Variants in ZNF496 observed in about 807,000 individuals in gnomAD.
ZNF496 encodes zinc finger protein 496.
A neutral mutation model predicts 58.9 loss-of-function variants in ZNF496; 11 were observed. That is an observed-to-expected ratio of 0.19 (90% confidence interval 0.12 to 0.31). ZNF496 has a LOEUF of 0.31. ZNF496 is among the 10% of genes least tolerant of loss of function. The pLI, the probability that ZNF496 is intolerant of heterozygous loss-of-function variation, is 1.00. For missense variants in ZNF496, 660 were observed against 783.0 expected (o/e 0.84, Z 1.88); for synonymous variants, 338 against 318.2 (o/e 1.06, Z -0.66).
At position 247,328,869 on chromosome 1, in the gene ZNF496, G is replaced by A; in HGVS notation, c.391-3C>T. The A allele has an allele frequency of 6.3e-7, 1 of 1,581,744 alleles. No individual in the cohort carries two copies. Among genetic ancestry groups the A allele is most frequent in the Non-Finnish European group, 8.6e-7 (1 of 1,164,016 alleles). ...ACAGGGTCTTCACAGTGCTTGAGCTGCAATCCCAGAGACAGCTTTTCAGGG... is the reference window on the plus strand; with the variant it reads ...ACAGGGTCTTCACAGTGCTTGAGCTACAATCCCAGAGACAGCTTTTCAGGG... On this transcript the variant is annotated splice_region_variant and splice_polypyrimidine_tract_variant and intron_variant, in intron 4 of 9. Transcript: ENST00000682384.
chr1:247,326,091 C>T (rs903215520), intron 5 of ZNF496, among the ~76,000 whole-genome samples: 2 of 146,768 alleles, frequency 1.4e-5, no homozygotes, highest in African/African-American at 2.6e-5. Context: ...CACATATATA[C>T]ACACACATAT....
chr1:247,320,206 T>A, intron 6 of ZNF496, among the ~76,000 whole-genome samples: 1 of 152,156 alleles, frequency 6.6e-6, no homozygotes, highest in East Asian at 1.9e-4. Context: ...CTTTATACAA[T>A]AATGACCCCA....
At position 247,309,732 on chromosome 1, in the gene ZNF496, G is replaced by C. The variant is rs761468122; in HGVS notation, c.859C>G (p.Gln287Glu). The C allele has an allele frequency of 1.4e-5, 23 of 1,614,062 alleles. No individual in the cohort carries two copies. In the Admixed American group the frequency reaches 3.8e-4, roughly 27 times the overall value. ...GAGACCTGGGGCACTTCTTTGCCCT[G>C]GAGATCCTGCAACTCTGGAACGCGT... ...EPRVPELQDL[Q>E]GKEVPQVSYL... The change falls in exon 8 of 10, where the codon CAG (glutamine) becomes GAG (glutamate). Residue 287 changes from glutamine (Q) to glutamate (E), a missense_variant. Gln to Glu is a conservative substitution (Grantham distance 29). Coordinates refer to ENST00000682384, the MANE Select transcript of ZNF496 (RefSeq NM_032752.3). The surrounding 1 kb of genome is among the most constrained non-coding windows in gnomAD (Gnocchi z 4.3).
chr1:247,308,688 G>A lies in ZNF496; in HGVS notation c.893-100C>T, dbSNP rs758517045. 17 of 1,163,146 alleles carry A rather than the reference G, an allele frequency of 1.5e-5. No individual in the cohort carries two copies. Among genetic ancestry groups the A allele is most frequent in the Non-Finnish European group, 2.0e-5 (16 of 797,862 alleles). 72.1% of individuals were successfully genotyped at this position (1,163,146 alleles called of 1,614,324 possible). A position where few individuals can be genotyped will look rare whatever the true frequency, so the allele number is the denominator to read the frequency against. ...AGATGCCAGGCTACGATCTGGGGGC[G>A]GCCCTGGGCTCCGTCCTGGGGACTG... On this transcript the variant is annotated intron_variant, in intron 8 of 9. Transcript: ENST00000682384. This position sits in a 1 kb window ranked among gnomAD's most constrained non-coding sequence, Gnocchi z 4.5.
chr1:247,309,670 G>T lies in ZNF496; in HGVS notation c.892+29C>A, dbSNP rs375724836. The T allele has an allele frequency of 6.2e-7, 1 of 1,613,686 alleles. No individual in the cohort carries two copies. Among genetic ancestry groups the T allele is most frequent in the Admixed American group, 1.7e-5 (1 of 59,960 alleles). On this transcript the variant is annotated intron_variant, in intron 8 of 9. Coordinates refer to ENST00000682384, the MANE Select transcript of ZNF496 (RefSeq NM_032752.3). This position sits in a 1 kb window ranked among gnomAD's most constrained non-coding sequence, Gnocchi z 4.3. ...TGCCAGCAACCCTTCCCCCTACTCTGTCCACTCAGTTCTGGAATCATTACT... is the reference window on the plus strand; with the variant it reads ...TGCCAGCAACCCTTCCCCCTACTCTTTCCACTCAGTTCTGGAATCATTACT...
chr1:247,299,739 A>T lies in ZNF496; in HGVS notation c.*780T>A, dbSNP rs1174356412. 8 of 152,234 alleles carry T rather than the reference A, an allele frequency of 5.3e-5. No homozygotes were observed. Among genetic ancestry groups the T allele is most frequent in the Non-Finnish European group, 1.0e-4 (7 of 68,052 alleles). The allele number at this position is 152,234 out of a possible 1,614,324, so 9.4% of individuals were successfully genotyped here. A position where few individuals can be genotyped will look rare whatever the true frequency, so the allele number is the denominator to read the frequency against. On this transcript the variant is annotated 3_prime_UTR_variant, in exon 10 of 10. Coordinates refer to ENST00000682384, the MANE Select transcript of ZNF496 (RefSeq NM_032752.3). ...CCAAGGATCTTTGGGGTATAAAGAC[A>T]TTATGGGGTAGGTGTGCAACACAAA...
intron 5 of ZNF496, among the ~76,000 whole-genome samples, chr1:247,326,211 G>C (rs1484684546): frequency 6.6e-6 from 1 of 151,076 alleles, no homozygotes; most frequent in Non-Finnish European, 1.5e-5. Context: ...TGAATACATG[G>C]ACCCTTTCAA....
intron 9 of ZNF496, among the ~76,000 whole-genome samples, chr1:247,305,500 G>A (rs1336051081): frequency 6.6e-6 from 1 of 152,204 alleles, no homozygotes; most frequent in Non-Finnish European, 1.5e-5. Context: ...TGCTGCAAGT[G>A]CTTGTTGCAG....
rs142671064 is a variant in ZNF496 at position 247,309,805 on chromosome 1, G to A, written c.786C>T (p.Asn262=). Residue 262 remains asparagine (N), a splice_region_variant and synonymous_variant, in exon 8 of 10, where the codon AAC becomes AAT. Transcript: ENST00000682384. The surrounding 1 kb of genome is among the most constrained non-coding windows in gnomAD (Gnocchi z 4.3). ...AGAGATCTGGCTGGGCAGCTAGGTC[G>A]TCTGTTCAAAGAAAAAGGCAGGGTA... The part of the protein sequence containing the change: ...GEDYGVSMPP[N]DLAAQPDLSQ... 2.8e-5 allele frequency: 45 copies of A among 1,614,074 alleles called. No homozygotes were observed. The highest frequency in any genetic ancestry group is 1.4e-4 in the South Asian group (13 of 91,074).
chr1:247,300,838 C>T lies in ZNF496; in HGVS notation c.1445G>A (p.Arg482Gln), dbSNP rs752303802. 15 of 1,609,934 alleles carry T rather than the reference C, an allele frequency of 9.3e-6. No homozygotes were observed. The highest frequency in any genetic ancestry group is 5.3e-5 in the African/African-American group (4 of 74,902). Residue 482 changes from arginine to glutamine, a missense_variant, in exon 10 of 10, where the codon CGG (arginine) becomes CAG (glutamine). Arg to Gln is a conservative substitution (Grantham distance 43). Transcript: ENST00000682384. The surrounding 1 kb of genome is among the most constrained non-coding windows in gnomAD (Gnocchi z 5.7). ...FRLNSHLLSH[R>Q]RIHLQPDRLQ... ...TCTGTCCGGCTGCAGGTGTATCCGCCGGTGGGAGAGCAGGTGGGAGTTCAG... is the reference window on the plus strand; with the variant it reads ...TCTGTCCGGCTGCAGGTGTATCCGCTGGTGGGAGAGCAGGTGGGAGTTCAG...
intron 6 of ZNF496, among the ~76,000 whole-genome samples, 158 bp downstream of exon 6, chr1:247,322,996 G>A (rs781700801): frequency 4.6e-5 from 7 of 152,168 alleles, no homozygotes; most frequent in Non-Finnish European, 7.3e-5. Context: ...GAAATGGGGC[G>A]TCTCTTAAGC....
At chr1:247,323,365 CTGT>C in intron 5 of ZNF496, 135 bp from the exon 6 acceptor site, 1 of 616,578 alleles carries the variant, frequency 1.6e-6, no homozygotes, top group Non-Finnish European at 2.9e-6. Flanking sequence ...CAACAGGGAA[CTGT>C]TTCATGGTGC....
intron 6 of ZNF496, among the ~76,000 whole-genome samples, chr1:247,322,160 G>A (rs1659981857): frequency 6.6e-6 from 1 of 152,174 alleles, no homozygotes; most frequent in Non-Finnish European, 1.5e-5. Flanking sequence ...GCATGCACCT[G>A]TAGTCCCAGC....
rs1558434541 is a variant in ZNF496 at position 247,300,516 on chromosome 1, G to A, written c.*3C>T. On this transcript the variant is annotated 3_prime_UTR_variant, in exon 10 of 10. Transcript: ENST00000682384. The surrounding 1 kb of genome is among the most constrained non-coding windows in gnomAD (Gnocchi z 5.7). ...AGGGTGAGGCCGCCCCAGGCGGAGA[G>A]GCTCAGTAGGAGTTCAGAGCCTGCT... 7.5e-6 allele frequency: 12 copies of A among 1,598,408 alleles called. No homozygotes were observed. Among genetic ancestry groups the A allele is most frequent in the Non-Finnish European group, 1.0e-5 (12 of 1,169,386 alleles).
At chr1:247,316,306 T>G (rs1242563878) in intron 6 of ZNF496, among the ~76,000 whole-genome samples, 1 of 150,264 alleles carries the variant, frequency 6.7e-6, no homozygotes, top group Non-Finnish European at 1.5e-5. Context: ...GGATGCTTTT[T>G]CCTTTGAGCC....
chr1:247,300,321 C>T lies in ZNF496; in HGVS notation c.*198G>A. 1 of 535,642 alleles carries T rather than the reference C, an allele frequency of 1.9e-6. No individual in the cohort carries two copies. 33.2% of individuals were successfully genotyped at this position (535,642 alleles called of 1,614,324 possible). ...TTTGGCACAGCAGAAACAGAACACTCACTTGGCCACTCTTTCATTACCTGG... is the reference window on the plus strand; with the variant it reads ...TTTGGCACAGCAGAAACAGAACACTTACTTGGCCACTCTTTCATTACCTGG... On this transcript the variant is annotated 3_prime_UTR_variant, in exon 10 of 10. Coordinates refer to ENST00000682384, the MANE Select transcript of ZNF496 (RefSeq NM_032752.3). The surrounding 1 kb of genome is among the most constrained non-coding windows in gnomAD (Gnocchi z 5.7).
At position 247,300,856 on chromosome 1, in the gene ZNF496, G is replaced by C; in HGVS notation, c.1427C>G (p.Ser476Cys). ...TATCCGCCGGTGGGAGAGCAGGTGG[G>C]AGTTCAGGCGGAAGCTCTTCCCGCA... The part of the protein sequence containing the change: ...GACGKSFRLN[S>C]HLLSHRRIHL... The change falls in exon 10 of 10, where the codon TCC becomes TGC. Residue 476 changes from serine (S) to cysteine (C), a missense_variant. Physicochemically the swap from Ser to Cys is moderately radical, Grantham distance 112. Transcript: ENST00000682384. The surrounding 1 kb of genome is among the most constrained non-coding windows in gnomAD (Gnocchi z 5.7). The C allele has an allele frequency of 6.2e-7, 1 of 1,610,954 alleles. No individual in the cohort carries two copies. The highest frequency in any genetic ancestry group is 8.5e-7 in the Non-Finnish European group (1 of 1,178,160).
At position 247,329,699 on chromosome 1, in the gene ZNF496, T is replaced by C; in HGVS notation, c.-37-84A>G. 1 of 1,319,290 alleles carries C rather than the reference T, an allele frequency of 7.6e-7. No homozygotes were observed. Among genetic ancestry groups the C allele is most frequent in the South Asian group, 1.5e-5 (1 of 67,162 alleles). The allele number at this position is 1,319,290 out of a possible 1,614,324, so 81.7% of individuals were successfully genotyped here. A position where few individuals can be genotyped will look rare whatever the true frequency, so the allele number is the denominator to read the frequency against. On this transcript the variant is annotated intron_variant, in intron 3 of 9. Transcript: ENST00000682384. This position sits in a 1 kb window ranked among gnomAD's most constrained non-coding sequence, Gnocchi z 5.5. ...GGGACAGTGACAAGGAAACTGTCAA[T>C]GCCCTCAGAGACCAGCCCTTTGGAG...
At chr1:247,302,289 C>T (rs1558435682) in intron 9 of ZNF496, among the ~76,000 whole-genome samples, 1 of 151,838 alleles carries the variant, frequency 6.6e-6, no homozygotes, top group Non-Finnish European at 1.5e-5. Flanking sequence ...CAAACAGAAG[C>T]AGGGCAGGAA....
Sources: gnomAD v4.1 joint callset for allele counts (sites outside exome capture counted in the v4.1 genomes callset) on GRCh38, gnomAD v4.1.1 for gene constraint, Gnocchi (gnomAD v3.1) non-coding constraint, MANE v1.5 for transcripts, NCBI Gene and HGNC (gene_info 2026-07-23, HGNC 2026-07-21) for gene names.